Variants in BBS2 observed in about 807,000 individuals in gnomAD.
BBS2 encodes BBSome complex member BBS2.
Under a neutral mutation model 83.0 loss-of-function variants are expected in BBS2, and 62 were observed. The observed-to-expected ratio is 0.75, with a 90% confidence interval of 0.61 to 0.92. BBS2 has a LOEUF of 0.92. BBS2 is among the 40% of genes least tolerant of loss of function. The pLI, the probability that BBS2 is intolerant of heterozygous loss-of-function variation, is 0.00. For missense variants in BBS2, 784 were observed against 901.0 expected, an observed-to-expected ratio of 0.87 and a Z score of 1.66; for synonymous variants, 303 against 326.1, an observed-to-expected ratio of 0.93 and a Z score of 0.76.
intron 5 of BBS2, among the ~76,000 whole-genome samples, chr16:56,507,388 T>C (rs762137164): frequency 2.0e-5 from 3 of 152,224 alleles, no homozygotes; most frequent in Non-Finnish European, 4.4e-5. Context: ...CTTGTCCTCT[T>C]TTCTAGGATT....
intron 15 of BBS2, among the ~76,000 whole-genome samples, chr16:56,495,323 AAC>A (rs1173276289): frequency 2.0e-5 from 3 of 152,220 alleles, no homozygotes; most frequent in Non-Finnish European, 4.4e-5. Flanking sequence ...CATAAAAAGA[AAC>A]AATCAAAAAT....
At position 56,502,807 on chromosome 16, in the gene BBS2, A is replaced by G. The variant is rs886039797; in HGVS notation, c.806T>C (p.Val269Ala). Residue 269 changes from valine to alanine, a missense_variant and splice_region_variant, in exon 8 of 17, where the codon GTT becomes GCT. Coordinates refer to ENST00000245157, the MANE Select transcript of BBS2 (RefSeq NM_031885.5). ...CCCAGTTCGGTCACTTCGAGCATCA[A>G]CCTACAAATAAAACACAAATTTAAA... ...ELITGWSNGK[V>A]DARSDRTGEV... 6.2e-7 allele frequency: 1 copy of G among 1,614,210 alleles called. No individual in the cohort carries two copies. The highest frequency in any genetic ancestry group is 8.5e-7 in the Non-Finnish European group (1 of 1,180,040).
chr16:56,478,072 AAAAG>A (rs1963555224), intron 17 of BBS2: 1 of 152,198 alleles, frequency 6.6e-6, no homozygotes, highest in Non-Finnish European at 1.5e-5. Context: ...TGATGAGATA[AAAAG>A]AAATATCTAG....
intron 15 of BBS2, among the ~76,000 whole-genome samples, chr16:56,493,035 G>C (rs1395593738): frequency 6.6e-6 from 1 of 152,066 alleles, no homozygotes; most frequent in African/African-American, 2.4e-5. Flanking sequence ...AAAGACAAAT[G>C]AGATGTATTT....
At chr16:56,476,272 G>A in intron 17 of BBS2, 2 of 1,482,726 alleles carry the variant, frequency 1.3e-6, no homozygotes, top group Non-Finnish European at 1.8e-6. Context: ...AAAGAGCTAA[G>A]CATGGAGTCA....
At chr16:56,518,334 T>C in intron 1 of BBS2, among the ~76,000 whole-genome samples, 1 of 152,192 alleles carries the variant, frequency 6.6e-6, no homozygotes, top group East Asian at 1.9e-4. Flanking sequence ...TCAGAGAACA[T>C]GCACTCTGAC....
intron 17 of BBS2, among the ~76,000 whole-genome samples, chr16:56,471,287 G>C (rs920204331): frequency 1.8e-4 from 27 of 151,928 alleles, no homozygotes; most frequent in African/African-American, 6.3e-4. Context: ...ACTTGAACCG[G>C]GGAGGAGGAG....
At chr16:56,479,779 C>T (rs1277612535), downstream of BBS2, among the ~76,000 whole-genome samples, 8 of 152,236 alleles carry the variant, frequency 5.3e-5, no homozygotes, top group South Asian at 2.1e-4. Context: ...GGCCTGCAAC[C>T]GCTCCACCTT....
intron 17 of BBS2, chr16:56,475,982 A>G: frequency 7.0e-7 from 1 of 1,435,080 alleles, no homozygotes; most frequent in Non-Finnish European, 9.6e-7. Context: ...TCCATGGTTA[A>G]TCATCCAAGA....
At chr16:56,499,201 G>C (rs1964195666) in intron 12 of BBS2, 1 of 175,374 alleles carries the variant, frequency 5.7e-6, no homozygotes, top group Non-Finnish European at 1.2e-5. Flanking sequence ...TGATTAAAAA[G>C]TCCCACCAAG....
At chr16:56,494,745 G>A (rs1025649167) in intron 15 of BBS2, among the ~76,000 whole-genome samples, 8 of 151,988 alleles carry the variant, frequency 5.3e-5, no homozygotes, top group African/African-American at 1.4e-4. Context: ...GGCAGATCAC[G>A]AGCTCAGGAG....
chr16:56,480,361 A>AAAAAAAACAAAAAT (rs1567561784), downstream of BBS2, among the ~76,000 whole-genome samples: 1 of 147,986 alleles, frequency 6.8e-6, no homozygotes, highest in African/African-American at 2.6e-5. Context: ...ACAAAAAAAA[A>AAAAAAAACAAAAAT]AAAACAAAAA....
chr16:56,507,226 C>G (rs761155074), intron 5 of BBS2, among the ~76,000 whole-genome samples: 36 of 152,270 alleles, frequency 2.4e-4, no homozygotes, highest in East Asian at 1.9e-4. Flanking sequence ...GAAAATGGCC[C>G]TGCAAGTGAA....
At chr16:56,503,170 G>A (rs992889472) in intron 7 of BBS2, among the ~76,000 whole-genome samples, 4 of 152,174 alleles carry the variant, frequency 2.6e-5, no homozygotes, top group Non-Finnish European at 4.4e-5. Flanking sequence ...GCTCTGCCAC[G>A]TACTATCCAC....
intron 5 of BBS2, among the ~76,000 whole-genome samples, chr16:56,508,664 GAC>G (rs1178173440): frequency 3.0e-5 from 1 of 33,792 alleles, no homozygotes; most frequent in Non-Finnish European, 5.2e-5. Flanking sequence ...TTATTTTTGA[GAC>G]AGAGTCTTGT....
Position 56,503,590 on chromosome 16 carries a change from A to T in BBS2, c.805-782T>A, listed in dbSNP as rs528660603. On this transcript the variant is annotated intron_variant, in intron 7 of 16. Transcript: ENST00000245157. ...TAAATGACTGATCAGAAACAAATGC[A>T]TCTCAAAAGTGATAATAAGTGACCA... 2.6e-4 allele frequency among the ~76,000 whole-genome samples: 39 copies of T among 152,314 alleles called. 1 individual carries two copies. Among genetic ancestry groups the T allele is most frequent in the African/African-American group, 9.1e-4 (38 of 41,584 alleles).
At chr16:56,495,508 C>G (rs964856346) in intron 15 of BBS2, among the ~76,000 whole-genome samples, 5 of 152,016 alleles carry the variant, frequency 3.3e-5, no homozygotes, top group Non-Finnish European at 5.9e-5. Context: ...AAATGGCACC[C>G]CACAGGAGAA....
At chr16:56,504,730 A>G (rs1015064454) in intron 7 of BBS2, among the ~76,000 whole-genome samples, 1 of 152,228 alleles carries the variant, frequency 6.6e-6, no homozygotes, top group Non-Finnish European at 1.5e-5. Flanking sequence ...CAAGTTTTCA[A>G]GTCTAGTAGT....
Position 56,511,163 on chromosome 16 carries a change from CAA to C in BBS2, c.465_466del (p.Phe155LeufsTer9). ...AGAATGTTTTCTTCTTCATACCGTC[CAA>C]AAGAGATCACTTCCTTCATGATTGA... On this transcript the variant is annotated frameshift_variant, in exon 3 of 17. Transcript: ENST00000245157. LOFTEE classifies it high-confidence loss of function. The C allele has an allele frequency of 1.2e-6, 2 of 1,613,984 alleles. No individual in the cohort carries two copies. Among genetic ancestry groups the C allele is most frequent in the Non-Finnish European group, 1.7e-6 (2 of 1,180,004 alleles).
Sources: gnomAD v4.1 joint callset for allele counts (sites outside exome capture counted in the v4.1 genomes callset) on GRCh38, gnomAD v4.1.1 for gene constraint, MANE v1.5 for transcripts, NCBI Gene and HGNC (gene_info 2026-07-23, HGNC 2026-07-21) for gene names.